Variants in ELP1 observed in about 807,000 individuals in gnomAD.
The protein encoded by ELP1 is elongator complex protein 1.
ELP1 carries 131 observed loss-of-function variants against 183.2 expected under a neutral mutation model. The observed-to-expected ratio is 0.72, with a 90% CI of 0.62 to 0.83. The LOEUF (loss-of-function observed/expected upper bound fraction) is 0.83. ELP1 is among the 40% of genes least tolerant of loss of function. The probability of loss-of-function intolerance (pLI) is 0.00; values close to 1 mark genes in which losing one functional copy is unlikely to be tolerated. For missense variants in ELP1, 1,550 were observed against 1,594.9 expected (o/e 0.97, Z 0.48); for synonymous variants, 555 against 569.0 (o/e 0.98, Z 0.35).
intron 27 of ELP1, 147 bp downstream of exon 27, chr9:108,892,839 T>G: frequency 1.4e-6 from 1 of 699,212 alleles, no homozygotes; most frequent in Middle Eastern, 2.3e-4. Context: ...AGGACCATTC[T>G]CCCAGATAAG....
Position 108,903,824 on chromosome 9 carries a change from T to C in ELP1, c.1644-155A>G, listed in dbSNP as rs565146732. The stretch of plus-strand genomic sequence containing the variant: ...ATACATATATACACACCCAATACTA[T>C]ACACACACACACACACACACACACA... On this transcript the variant is annotated intron_variant, in intron 14 of 36. Coordinates refer to ENST00000374647, the MANE Select transcript of ELP1 (RefSeq NM_003640.5). Among the ~76,000 whole-genome samples, 728 of 150,702 alleles carry C rather than the reference T, an allele frequency of 4.8e-3. 7 individuals are homozygous for C. The highest frequency in any genetic ancestry group is 0.017 in the African/African-American group (693 of 40,986).
chr9:108,884,752 A>G (rs528628087), intron 29 of ELP1, among the ~76,000 whole-genome samples: 2 of 152,340 alleles, frequency 1.3e-5, no homozygotes, highest in African/African-American at 4.8e-5. Flanking sequence ...TGCTTAAACT[A>G]TAAAGTAAGG....
intron 36 of ELP1, among the ~76,000 whole-genome samples, chr9:108,872,531 G>A (rs967734394): frequency 2.6e-5 from 4 of 152,074 alleles, no homozygotes; most frequent in Non-Finnish European, 2.9e-5. Flanking sequence ...CAGGCCGGGC[G>A]CGGTGGCTCA....
chr9:108,928,365 C>T (rs948231199), intron 3 of ELP1, among the ~76,000 whole-genome samples: 13 of 152,130 alleles, frequency 8.5e-5, no homozygotes, highest in Non-Finnish European at 4.4e-5. Flanking sequence ...TGACCAAGAT[C>T]TCTGGAAAGC....
chr9:108,914,826 C>T (rs1471422612), intron 10 of ELP1, among the ~76,000 whole-genome samples: 1 of 152,092 alleles, frequency 6.6e-6, no homozygotes, highest in Non-Finnish European at 1.5e-5. Flanking sequence ...GGGGTTACAC[C>T]GTGTTAGCCA....
Position 108,906,437 on chromosome 9 carries a change from T to C in ELP1, c.1509A>G (p.Leu503=). Residue 503 remains leucine (L), a synonymous_variant, in exon 14 of 37, where the codon CTA becomes CTG. Transcript: ENST00000374647. ...CTTCTTCAATCCAAGTGAGAAGGCC[T>C]AGTTTCAGCGGGTTTACATCTTGAT... ...NEDQDVNPLK[L]GLLTWIEEDV... The C allele has an allele frequency of 6.2e-7, 1 of 1,614,062 alleles. No individual in the cohort carries two copies. The highest frequency in any genetic ancestry group is 8.5e-7 in the Non-Finnish European group (1 of 1,179,906).
At chr9:108,879,942 C>T (rs951473089) in intron 32 of ELP1, 110 bp downstream of exon 32, 6 of 780,974 alleles carry the variant, frequency 7.7e-6, no homozygotes, top group African/African-American at 1.7e-5. Flanking sequence ...CACACTTGCC[C>T]ATGGCACAGT....
At chr9:108,918,984 T>G in intron 7 of ELP1, 83 bp from the exon 8 acceptor site, 1 of 1,020,882 alleles carries the variant, frequency 9.8e-7, no homozygotes, top group Non-Finnish European at 1.5e-6. Context: ...TCAAACACCT[T>G]CCTTACAAAT....
intron 25 of ELP1, among the ~76,000 whole-genome samples, chr9:108,894,464 C>G (rs944438620): frequency 6.6e-6 from 1 of 152,158 alleles, no homozygotes; most frequent in Non-Finnish European, 1.5e-5. Flanking sequence ...TTAGATAAAC[C>G]CACACAGTTC....
At chr9:108,884,906 C>A (rs569584335) in intron 29 of ELP1, among the ~76,000 whole-genome samples, 2 of 151,802 alleles carry the variant, frequency 1.3e-5, no homozygotes, top group South Asian at 4.2e-4. Context: ...CTAGTAACAC[C>A]CCATCTCTAC....
At position 108,899,990 on chromosome 9, in the gene ELP1, C is replaced by T. The variant is rs1036109179; in HGVS notation, c.2131-95G>A. On this transcript the variant is annotated intron_variant, in intron 19 of 36. Transcript: ENST00000374647. The stretch of plus-strand genomic sequence containing the variant: ...TTACCTAACTCTTCACAGAGAATTA[C>T]CACAACTCTCTAAAATCAGCACACT... 1.4e-5 allele frequency: 14 copies of T among 974,884 alleles called. No individual in the cohort carries two copies. In the African/African-American group the frequency reaches 2.3e-4, roughly 16 times the overall value. The allele number at this position is 974,884 out of a possible 1,614,324, so 60.4% of individuals were successfully genotyped here.
chr9:108,921,552 C>T (rs374138909), intron 6 of ELP1, among the ~76,000 whole-genome samples: 3 of 151,782 alleles, frequency 2.0e-5, no homozygotes, highest in Admixed American at 6.6e-5. Flanking sequence ...TGGTCAAGTT[C>T]CTGTTTAGTC....
intron 29 of ELP1, among the ~76,000 whole-genome samples, chr9:108,884,947 G>A (rs1195917255): frequency 1.3e-5 from 2 of 152,004 alleles, no homozygotes; most frequent in Non-Finnish European, 2.9e-5. Context: ...CAGGCATGGT[G>A]GCATGCACCT....
Position 108,901,454 on chromosome 9 carries a change from C to A in ELP1, c.1985G>T (p.Cys662Phe). 1 of 1,613,852 alleles carries A rather than the reference C, an allele frequency of 6.2e-7. No homozygotes were observed. Among genetic ancestry groups the A allele is most frequent in the South Asian group, 1.1e-5 (1 of 91,078 alleles). The change falls in exon 18 of 37, where the codon TGT (cysteine) becomes TTT (phenylalanine). Residue 662 changes from cysteine (C) to phenylalanine (F), a missense_variant. Physicochemically the swap from Cys to Phe is radical, Grantham distance 205 (BLOSUM62 -2). Coordinates refer to ENST00000374647, the MANE Select transcript of ELP1 (RefSeq NM_003640.5). ...LLTTHSHTCQ[C>F]FCLRDASFKT... The stretch of plus-strand genomic sequence containing the variant: ...AAATGAAGCATCCCTCAGGCAAAAA[C>A]ACTGGCAGGTATGGGAATGGGTTGT...
At chr9:108,871,515 G>T (rs187169340) in intron 36 of ELP1, among the ~76,000 whole-genome samples, 1 of 152,188 alleles carries the variant, frequency 6.6e-6, no homozygotes, top group Non-Finnish European at 1.5e-5. Context: ...CCTGGCAGCT[G>T]GTGTTAATCT....
At chr9:108,882,341 T>G (rs1357144452) in intron 29 of ELP1, among the ~76,000 whole-genome samples, 154 bp from the exon 30 acceptor site, 1 of 152,124 alleles carries the variant, frequency 6.6e-6, no homozygotes, top group Non-Finnish European at 1.5e-5. Flanking sequence ...AGTTCATGAC[T>G]CCATAAATAT....
chr9:108,868,592 G>A lies in ELP1; in HGVS notation c.*523C>T, dbSNP rs1165746304. 1.1e-5 allele frequency: 5 copies of A among 451,768 alleles called. No homozygotes were observed. The highest frequency in any genetic ancestry group is 3.2e-5 in the East Asian group (1 of 31,072). The allele number at this position is 451,768 out of a possible 1,614,324, so 28.0% of individuals were successfully genotyped here. A position where few individuals can be genotyped will look rare whatever the true frequency, so the allele number is the denominator to read the frequency against. On this transcript the variant is annotated 3_prime_UTR_variant, in exon 37 of 37. Transcript: ENST00000374647. ...GTTATAACTGAAAGCACATGACCTG[G>A]TAAGATGTTACAAAATAATAGCTGT...
chr9:108,887,906 A>C (rs1479182231), intron 29 of ELP1, among the ~76,000 whole-genome samples: 1 of 152,196 alleles, frequency 6.6e-6, no homozygotes, highest in African/African-American at 2.4e-5. Context: ...CTTCCTAAAA[A>C]GTTAAACATC....
intron 8 of ELP1, among the ~76,000 whole-genome samples, chr9:108,918,454 G>A (rs1447271230): frequency 6.6e-6 from 1 of 152,154 alleles, no homozygotes; most frequent in African/African-American, 2.4e-5. Context: ...TTGCCCCACA[G>A]AGCCTTGCAA....
Sources: allele counts gnomAD v4.1 joint callset (sites outside exome capture counted in the v4.1 genomes callset), GRCh38; gene constraint gnomAD v4.1.1; transcripts MANE v1.5; gene names NCBI Gene and HGNC (gene_info 2026-07-23, HGNC 2026-07-21).